Variants in HEG1 observed in about 807,000 individuals in gnomAD.
HEG1 encodes the protein heart development protein with EGF like domains 1, also known as protein HEG homolog 1.
Under a neutral mutation model 125.6 loss-of-function variants are expected in HEG1, and 56 were observed. That is an observed-to-expected ratio of 0.45 (90% CI 0.36 to 0.56). The LOEUF (loss-of-function observed/expected upper bound fraction) is 0.56, where lower values mean the gene tolerates loss of function less well. HEG1 is among the 20% of genes least tolerant of loss of function. The pLI, the probability that HEG1 is intolerant of heterozygous loss-of-function variation, is 0.00. For synonymous variants in HEG1, 644 were observed against 668.5 expected (o/e 0.96, Z 0.57); for missense variants, 1,523 against 1,670.0 (o/e 0.91, Z 1.53).
chr3:125,004,256 T>C (rs1937039513), intron 9 of HEG1, among the ~76,000 whole-genome samples: 1 of 152,224 alleles, frequency 6.6e-6, no homozygotes, highest in Admixed American at 6.5e-5. Context: ...CTAGCTAATA[T>C]ACTAACTCTT....
chr3:125,048,947 G>T (rs1223938763), intron 1 of HEG1, among the ~76,000 whole-genome samples: 1 of 152,232 alleles, frequency 6.6e-6, no homozygotes, highest in Non-Finnish European at 1.5e-5. Context: ...CTAGGTGCAT[G>T]TTGTTGCTAA....
chr3:125,019,488 G>C lies in HEG1; in HGVS notation c.1362C>G (p.Ile454Met). 5 of 1,614,022 alleles carry C rather than the reference G, an allele frequency of 3.1e-6. No homozygotes were observed. The highest frequency in any genetic ancestry group is 4.2e-6 in the Non-Finnish European group (5 of 1,179,896). Residue 454 changes from isoleucine (I) to methionine (M), a missense_variant, in exon 5 of 17, where the codon ATC becomes ATG. Physicochemically the swap from Ile to Met is conservative, Grantham distance 10. Coordinates refer to ENST00000311127, the MANE Select transcript of HEG1 (RefSeq NM_020733.2). ...TGTTGGTCAAGAGCCAGTGTGCAGT[G>C]ATCTCTCCACCTCTCATGGGTGCGA... is the stretch of plus-strand genomic sequence containing the variant. ...RSVAPMRGGE[I>M]TAHWLLTNST...
In HEG1 at chr3:124,966,729, G is replaced by A. The variant is rs1936321151; in HGVS notation, c.*3923C>T. 1 of 152,246 alleles carries A rather than the reference G, an allele frequency of 6.6e-6. No homozygotes were observed. Among genetic ancestry groups the A allele is most frequent in the African/African-American group, 2.4e-5 (1 of 41,468 alleles). 9.4% of individuals were successfully genotyped at this position (152,246 alleles called of 1,614,324 possible). ...TTAGAACTATGGGTCAAAACCCTGT[G>A]TGTTAGGCTAAACTTAGCCAAGGGC... On this transcript the variant is annotated 3_prime_UTR_variant, in exon 17 of 17. Coordinates refer to ENST00000311127, the MANE Select transcript of HEG1 (RefSeq NM_020733.2).
At chr3:125,055,129 T>A (rs1937902666) in intron 1 of HEG1, among the ~76,000 whole-genome samples, 1 of 152,106 alleles carries the variant, frequency 6.6e-6, no homozygotes, top group South Asian at 2.1e-4. Context: ...CTTTACAATA[T>A]CCCGTCCTAG....
chr3:125,030,514 A>G (rs891002601), intron 1 of HEG1, among the ~76,000 whole-genome samples: 1 of 152,226 alleles, frequency 6.6e-6, no homozygotes, highest in Non-Finnish European at 1.5e-5. Context: ...AAAGAAAACT[A>G]TGTGGTCACT....
intron 1 of HEG1, among the ~76,000 whole-genome samples, chr3:125,037,788 G>A (rs1317154149): frequency 6.6e-6 from 1 of 152,160 alleles, no homozygotes; most frequent in African/African-American, 2.4e-5. Flanking sequence ...GGCAGTGGGG[G>A]AATACACAGA....
chr3:124,997,617 C>G, intron 12 of HEG1, 72 bp downstream of exon 12: 1 of 1,424,714 alleles, frequency 7.0e-7, no homozygotes, highest in Non-Finnish European at 9.3e-7. Context: ...AGAGAGAGAG[C>G]AAGAAAGAGA....
intron 1 of HEG1, among the ~76,000 whole-genome samples, chr3:125,042,799 G>A (rs937343197): frequency 3.3e-5 from 5 of 152,178 alleles, no homozygotes; most frequent in Non-Finnish European, 5.9e-5. Flanking sequence ...GGCCAGCAGC[G>A]GGATATTCTG....
At chr3:124,978,505 A>G (rs568721786) in intron 14 of HEG1, among the ~76,000 whole-genome samples, 18 of 152,274 alleles carry the variant, frequency 1.2e-4, no homozygotes, top group Non-Finnish European at 2.6e-4. Context: ...TTACCTGTGC[A>G]CCAGCCCCGA....
At chr3:125,019,806 G>C (rs1937309329) in intron 4 of HEG1, among the ~76,000 whole-genome samples, 1 of 152,188 alleles carries the variant, frequency 6.6e-6, no homozygotes, top group South Asian at 2.1e-4. Context: ...AATATAACTT[G>C]TTGAACAGGG....
Position 125,013,694 on chromosome 3 carries a change from G to A in HEG1, c.1885C>T (p.His629Tyr). Residue 629 changes from histidine to tyrosine, a missense_variant, in exon 6 of 17, where the codon CAT (histidine) becomes TAT (tyrosine). Physicochemically the swap from His to Tyr is moderately conservative, Grantham distance 83. Coordinates refer to ENST00000311127, the MANE Select transcript of HEG1 (RefSeq NM_020733.2). ...AQPSTESPVL[H>Y]TSNLPSYTPT... is the part of the protein sequence containing the mutation. ...GTGTAGGACGGAAGGTTGGATGTATGCAGAACTGGCGACTCAGTAGAAGGC... is the reference window on the plus strand; with the variant it reads ...GTGTAGGACGGAAGGTTGGATGTATACAGAACTGGCGACTCAGTAGAAGGC... 1 of 1,613,882 alleles carries A rather than the reference G, an allele frequency of 6.2e-7. No homozygotes were observed. Among genetic ancestry groups the A allele is most frequent in the Non-Finnish European group, 8.5e-7 (1 of 1,179,872 alleles).
intron 12 of HEG1, among the ~76,000 whole-genome samples, chr3:124,991,890 G>A (rs989260744): frequency 2.6e-5 from 4 of 152,230 alleles, no homozygotes; most frequent in African/African-American, 7.2e-5. Flanking sequence ...GATTAAAGGC[G>A]TGAACCACCA....
chr3:125,007,704 T>C (rs894504638), intron 8 of HEG1, among the ~76,000 whole-genome samples: 1 of 152,178 alleles, frequency 6.6e-6, no homozygotes, highest in South Asian at 2.1e-4. Context: ...TGAGGAAATA[T>C]AGGGCTCAGA....
Position 124,968,678 on chromosome 3 carries a change from AGC to A in HEG1, c.*1972_*1973del, listed in dbSNP as rs1936365057. 6.6e-6 allele frequency: 1 copy of A among 152,200 alleles called. No homozygotes were observed. Among genetic ancestry groups the A allele is most frequent in the African/African-American group, 2.4e-5 (1 of 41,440 alleles). The allele number at this position is 152,200 out of a possible 1,614,324, so 9.4% of individuals were successfully genotyped here. ...AGCCTCCCTACATGGCTCTTCCCAC[AGC>A]TGCGGGTTCTGGGGGTGAGCAGGCA... On this transcript the variant is annotated 3_prime_UTR_variant, in exon 17 of 17. Transcript: ENST00000311127.
rs2107717469 is a variant in HEG1 at position 125,055,949 on chromosome 3, C to CGGGCAGT, written c.-60_-59insACTGCCC. ...CGCGCGGGGCGAGGGCAGCGGGCAG[C>CGGGCAGT]GGGCAGCGGGCGGCGGGGGCCGCGC... On this transcript the variant is annotated 5_prime_UTR_variant, in exon 1 of 17. Transcript: ENST00000311127. 3 of 866,450 alleles carry CGGGCAGT rather than the reference C, an allele frequency of 3.5e-6. No homozygotes were observed. The highest frequency in any genetic ancestry group is 4.1e-6 in the Non-Finnish European group (3 of 723,292). 53.7% of individuals were successfully genotyped at this position (866,450 alleles called of 1,614,324 possible).
In HEG1 at chr3:125,027,373, G is replaced by A. The variant is rs199907185; in HGVS notation, c.745C>T (p.His249Tyr). The A allele has an allele frequency of 1.6e-5, 26 of 1,614,008 alleles. No individual in the cohort carries two copies. Among genetic ancestry groups the A allele is most frequent in the Non-Finnish European group, 2.1e-5 (25 of 1,179,888 alleles). The change falls in exon 3 of 17, where the codon CAC (histidine) becomes TAC (tyrosine). Residue 249 changes from histidine to tyrosine, a missense_variant. Coordinates refer to ENST00000311127, the MANE Select transcript of HEG1 (RefSeq NM_020733.2). ...AMGLSEEWTV[H>Y]SQEATTSAWS... ...GCCGAAGTGGTGGCCTCTTGGCTGT[G>A]CACAGTCCATTCTTCTGACAGCCCC... is the stretch of plus-strand genomic sequence containing the variant.
chr3:125,006,974 C>T lies in HEG1; in HGVS notation c.3194-1606G>A, dbSNP rs941625845. On this transcript the variant is annotated intron_variant, in intron 8 of 16. Coordinates refer to ENST00000311127, the MANE Select transcript of HEG1 (RefSeq NM_020733.2). The stretch of plus-strand genomic sequence containing the variant: ...CAGCACTTTGGGAGGCCGAGGCGGG[C>T]GGATCACGAGGTCAGGAGATCGAGA... Among the ~76,000 whole-genome samples, 35 of 151,926 alleles carry T rather than the reference C, an allele frequency of 2.3e-4. No individual in the cohort carries two copies. The Middle Eastern group carries it at 0.017, about 74-fold the overall frequency.
At chr3:125,030,308 G>C (rs1937479981) in intron 1 of HEG1, among the ~76,000 whole-genome samples, 1 of 152,226 alleles carries the variant, frequency 6.6e-6, no homozygotes, top group African/African-American at 2.4e-5. Flanking sequence ...AAACTTGTGT[G>C]ATGTGAATGG....
intron 1 of HEG1, among the ~76,000 whole-genome samples, chr3:125,035,992 G>A (rs1453560448): frequency 6.6e-6 from 1 of 151,964 alleles, no homozygotes; most frequent in East Asian, 1.9e-4. Context: ...GGGAGGCTGA[G>A]GTGGGAGGAT....
Sources: allele counts gnomAD v4.1 joint callset (sites outside exome capture counted in the v4.1 genomes callset), GRCh38; gene constraint gnomAD v4.1.1; transcripts MANE v1.5; gene names NCBI Gene and HGNC (gene_info 2026-07-23, HGNC 2026-07-21).